The following PIK3R3 variants were observed in gnomAD, a reference collection of about 807,000 sequenced individuals.
PIK3R3 encodes phosphatidylinositol 3-kinase regulatory subunit gamma.
PIK3R3 carries 64 observed loss-of-function variants against 62.9 expected under a neutral mutation model. The observed-to-expected ratio is 1.02, with a 90% CI of 0.83 to 1.25. PIK3R3 has a LOEUF of 1.25. PIK3R3 is among the 50% of genes most tolerant of loss of function. The pLI is 0.00. For missense variants in PIK3R3, 614 were observed against 561.6 expected (o/e 1.09, Z -0.94); for synonymous variants, 165 against 189.0 (o/e 0.87, Z 1.04).
the PIK3R3 span, among the ~76,000 whole-genome samples, chr1:46,174,095 A>G: frequency 1.3e-5 from 2 of 152,046 alleles, no homozygotes; most frequent in Admixed American, 6.5e-5. Flanking sequence ...GTGTTGTTAC[A>G]TATATCGTGT....
the PIK3R3 span, among the ~76,000 whole-genome samples, chr1:46,171,835 C>T: frequency 6.6e-6 from 1 of 152,158 alleles, no homozygotes; most frequent in Non-Finnish European, 1.5e-5. Flanking sequence ...CTCCGGGCTC[C>T]TGCCTCTAGC....
chr1:46,050,064 T>C (rs1202841285), intron 7 of PIK3R3, among the ~76,000 whole-genome samples: 1 of 143,156 alleles, frequency 7.0e-6, no homozygotes, highest in East Asian at 2.0e-4. Context: ...GAGGTTGCAG[T>C]GAGCCGAGAT....
At position 46,043,868 on chromosome 1, in the gene PIK3R3, G is replaced by C. The variant is rs146464137; in HGVS notation, c.1191C>G (p.Ala397=). Residue 397 remains alanine, a synonymous_variant, in exon 10 of 10, where the codon GCC becomes GCG. Coordinates refer to ENST00000262741, the MANE Select transcript of PIK3R3 (RefSeq NM_003629.4). The stretch of plus-strand genomic sequence containing the variant: ...TCACACAGTGCTTCACTTCCCCATC[G>C]GCCCTGCAATGACAAACCACAGAAG... ...KKGCYACSVV[A]DGEVKHCVIY... 37 of 1,612,038 alleles carry C rather than the reference G, an allele frequency of 2.3e-5. No individual in the cohort carries two copies. Among genetic ancestry groups the C allele is most frequent in the African/African-American group, 1.1e-4 (8 of 74,852 alleles).
chr1:46,122,955 C>T (rs1047313046), intron 1 of PIK3R3, among the ~76,000 whole-genome samples: 1 of 151,990 alleles, frequency 6.6e-6, no homozygotes, highest in Non-Finnish European at 1.5e-5. Context: ...GGCATGGTGA[C>T]ACATGACTGT....
In PIK3R3 at chr1:46,111,266, A is replaced by G. The variant is rs149283631; in HGVS notation, c.106+20581T>C. On this transcript the variant is annotated intron_variant, in intron 1 of 9. Transcript: ENST00000262741. ...ATTATTACTTCCATTTTATATGACAACCATTCAATGTCACATAGTTGGTAA... is the reference window on the plus strand; with the variant it reads ...ATTATTACTTCCATTTTATATGACAGCCATTCAATGTCACATAGTTGGTAA... Among the ~76,000 whole-genome samples, 3 of 152,292 alleles carry G rather than the reference A, an allele frequency of 2.0e-5. No homozygotes were observed. The East Asian group carries it at 5.8e-4, about 29-fold the overall frequency.
chr1:46,076,841 T>A (rs751338538), intron 3 of PIK3R3, among the ~76,000 whole-genome samples: 1 of 152,234 alleles, frequency 6.6e-6, no homozygotes, highest in Non-Finnish European at 1.5e-5. Context: ...ATCTATTGCA[T>A]GTAAAGGCCT....
intron 1 of PIK3R3, among the ~76,000 whole-genome samples, chr1:46,115,137 T>C (rs1654071620): frequency 6.6e-6 from 1 of 152,154 alleles, no homozygotes; most frequent in Non-Finnish European, 1.5e-5. Context: ...CATCTTGTAC[T>C]ACTGGGGAAG....
chr1:46,082,939 C>T (rs1037362853), intron 1 of PIK3R3, among the ~76,000 whole-genome samples: 13 of 152,068 alleles, frequency 8.5e-5, no homozygotes, highest in African/African-American at 2.2e-4. Flanking sequence ...ATTAGCTGGG[C>T]GTGGTGGTGC....
the PIK3R3 span, among the ~76,000 whole-genome samples, chr1:46,168,020 G>C: frequency 6.6e-6 from 1 of 152,054 alleles, no homozygotes; most frequent in African/African-American, 2.4e-5. Flanking sequence ...GCTGTGTGTG[G>C]TGGCGCATGC....
At chr1:46,107,323 A>G (rs1301063098) in intron 1 of PIK3R3, among the ~76,000 whole-genome samples, 1 of 152,084 alleles carries the variant, frequency 6.6e-6, no homozygotes, top group Non-Finnish European at 1.5e-5. Flanking sequence ...ATGCCACTGC[A>G]CTCCAGCCTG....
rs111469428 is a variant in PIK3R3 at position 46,043,113 on chromosome 1, GTTTT to G, written c.*556_*559del. ...AGAAACAAAATACCTTCAGTTGAAG[GTTTT>G]TTTTATCATCTTGGCTTAGATTATT... On this transcript the variant is annotated 3_prime_UTR_variant, in exon 10 of 10. Coordinates refer to ENST00000262741, the MANE Select transcript of PIK3R3 (RefSeq NM_003629.4). 2 of 227,464 alleles carry G rather than the reference GTTTT, an allele frequency of 8.8e-6. No homozygotes were observed. Among genetic ancestry groups the G allele is most frequent in the East Asian group, 1.3e-4 (2 of 15,960 alleles). The allele number at this position is 227,464 out of a possible 1,614,324, so 14.1% of individuals were successfully genotyped here.
intron 7 of PIK3R3, among the ~76,000 whole-genome samples, chr1:46,054,962 G>A (rs1647732431): frequency 6.6e-6 from 1 of 152,078 alleles, no homozygotes; most frequent in Non-Finnish European, 1.5e-5. Context: ...GAGTGCAGTG[G>A]CACGATCTCG....
At chr1:46,132,663 G>C (rs1489680331), upstream of PIK3R3, 50 of 1,289,566 alleles carry the variant, frequency 3.9e-5, no homozygotes, top group Non-Finnish European at 5.0e-5. Context: ...TTTTAACGGC[G>C]CGGAGGGGAC....
the PIK3R3 span, among the ~76,000 whole-genome samples, chr1:46,165,066 C>T: frequency 2.0e-5 from 3 of 152,026 alleles, no homozygotes; most frequent in South Asian, 2.1e-4. Flanking sequence ...GCAATCTTCC[C>T]GTCTCAGTCT....
intron 1 of PIK3R3, among the ~76,000 whole-genome samples, chr1:46,124,448 A>T (rs1654919440): frequency 6.6e-6 from 1 of 152,216 alleles, no homozygotes; most frequent in Non-Finnish European, 1.5e-5. Flanking sequence ...ATCTTGTTAA[A>T]TATGGCAATC....
chr1:46,074,918 T>C (rs969095198), intron 3 of PIK3R3, among the ~76,000 whole-genome samples: 18 of 152,188 alleles, frequency 1.2e-4, no homozygotes, highest in Non-Finnish European at 2.4e-4. Context: ...GTGTTTGATT[T>C]TGTGCAATTT....
intron 1 of PIK3R3, among the ~76,000 whole-genome samples, chr1:46,121,009 C>A (rs1359038041): frequency 6.6e-6 from 1 of 152,196 alleles, no homozygotes; most frequent in Non-Finnish European, 1.5e-5. Context: ...GGAATCACCG[C>A]AACCATTTTG....
intron 8 of PIK3R3, 124 bp from the exon 9 acceptor site, chr1:46,046,212 G>A: frequency 1.6e-6 from 1 of 636,170 alleles, no homozygotes; most frequent in Non-Finnish European, 2.7e-6. Flanking sequence ...AATTATTTGG[G>A]TGTTAACTTC....
the PIK3R3 span, among the ~76,000 whole-genome samples, chr1:46,164,340 T>C: frequency 6.6e-6 from 1 of 152,204 alleles, no homozygotes; most frequent in Non-Finnish European, 1.5e-5. Flanking sequence ...CTGTCACTTT[T>C]ACCTCTCAGC....
Sources: allele counts gnomAD v4.1 joint callset (sites outside exome capture counted in the v4.1 genomes callset), GRCh38; gene constraint gnomAD v4.1.1; transcripts MANE v1.5; gene names NCBI Gene and HGNC (gene_info 2026-07-23, HGNC 2026-07-21).